The following RGS6 variants were observed in gnomAD, a reference collection of about 807,000 sequenced individuals.
RGS6 encodes regulator of G protein signaling 6, also known as regulator of G-protein signaling 6.
In RGS6, 30 loss-of-function variants were observed where a neutral mutation model predicts 78.5. The observed-to-expected ratio is 0.38, with a 90% CI of 0.29 to 0.52. The LOEUF is 0.52. Among genes scored for constraint, RGS6 ranks in the 20% least tolerant of loss-of-function variants. RGS6 has a pLI of 0.85. For synonymous variants in RGS6, 206 were observed against 206.0 expected, an observed-to-expected ratio of 1.00 and a Z score of 0.00; for missense variants, 495 against 609.7, an observed-to-expected ratio of 0.81 and a Z score of 1.98.
intron 2 of RGS6, among the ~76,000 whole-genome samples, chr14:72,227,700 C>A (rs77508221): frequency 3.9e-5 from 6 of 152,206 alleles, no homozygotes; most frequent in Non-Finnish European, 8.8e-5. Flanking sequence ...GTTTTAGAAT[C>A]TAGATGTCAT....
intron 2 of RGS6, among the ~76,000 whole-genome samples, chr14:72,155,801 G>A (rs2096762159): frequency 6.6e-6 from 1 of 152,196 alleles, no homozygotes; most frequent in Non-Finnish European, 1.5e-5. Flanking sequence ...GGTGGCTGGG[G>A]ACCACTTTAT....
At chr14:72,223,406 G>A (rs929260297) in intron 2 of RGS6, among the ~76,000 whole-genome samples, 2 of 152,216 alleles carry the variant, frequency 1.3e-5, no homozygotes, top group African/African-American at 4.8e-5. Flanking sequence ...ACCTCTAATA[G>A]GGCGTATTAA....
In RGS6 at chr14:72,043,902, C is replaced by T. The variant is rs139764846; in HGVS notation, c.84+79027C>T. 3.2e-4 allele frequency among the ~76,000 whole-genome samples: 48 copies of T among 152,324 alleles called. No individual in the cohort carries two copies. The East Asian group carries it at 8.9e-3, about 28-fold the overall frequency. ...TTCCACAGTTCTTGGAAGGTCGCTGCTGCTGTCACTGCTGCTGCTCCTTCC... is the reference window on the plus strand; with the variant it reads ...TTCCACAGTTCTTGGAAGGTCGCTGTTGCTGTCACTGCTGCTGCTCCTTCC... On this transcript the variant is annotated intron_variant, in intron 2 of 17. Coordinates refer to ENST00000553525, the MANE Select transcript of RGS6 (RefSeq NM_001204424.2).
chr14:72,440,276 T>A (rs1390085265), intron 3 of RGS6, among the ~76,000 whole-genome samples: 1 of 152,204 alleles, frequency 6.6e-6, no homozygotes, highest in African/African-American at 2.4e-5. Context: ...GGGGATTTAT[T>A]TCTCCCTCCC....
chr14:72,425,576 ATT>A (rs1266313025), intron 3 of RGS6, among the ~76,000 whole-genome samples: 1 of 152,234 alleles, frequency 6.6e-6, no homozygotes, highest in African/African-American at 2.4e-5. Flanking sequence ...TATTAGAAAC[ATT>A]TGAATCTCAC....
At chr14:72,004,356 C>T (rs2084103479) in intron 2 of RGS6, among the ~76,000 whole-genome samples, 2 of 152,084 alleles carry the variant, frequency 1.3e-5, no homozygotes. Flanking sequence ...GTGAACACCT[C>T]CAGAATTTGA....
chr14:71,942,412 A>G (rs2090752250), intron 1 of RGS6, among the ~76,000 whole-genome samples: 1 of 152,120 alleles, frequency 6.6e-6, no homozygotes, highest in Admixed American at 6.6e-5. Flanking sequence ...AGATAAAGCA[A>G]GCAATCTCCT....
chr14:72,121,422 T>C (rs895273077), intron 2 of RGS6, among the ~76,000 whole-genome samples: 60 of 152,176 alleles, frequency 3.9e-4, no homozygotes, highest in African/African-American at 1.4e-3. Context: ...TGTAGGCCTG[T>C]CTACACTGAA....
intron 2 of RGS6, among the ~76,000 whole-genome samples, chr14:72,053,974 T>C (rs1389323611): frequency 6.6e-6 from 1 of 152,198 alleles, no homozygotes; most frequent in African/African-American, 2.4e-5. Flanking sequence ...GAAATTGAGA[T>C]AAGACCGAAT....
At chr14:72,331,731 G>A (rs1015868396) in intron 2 of RGS6, among the ~76,000 whole-genome samples, 9 of 152,224 alleles carry the variant, frequency 5.9e-5, no homozygotes, top group African/African-American at 2.2e-4. Context: ...CACTGGCCTT[G>A]GGCACCCTTC....
At chr14:71,892,032 A>G in the RGS6 span, among the ~76,000 whole-genome samples, 1 of 152,182 alleles carries the variant, frequency 6.6e-6, no homozygotes, top group African/African-American at 2.4e-5. Context: ...TCATTCTCTG[A>G]AATAGCTTTC....
chr14:71,995,080 C>T (rs570981214), intron 2 of RGS6, among the ~76,000 whole-genome samples: 1 of 152,310 alleles, frequency 6.6e-6, no homozygotes, highest in East Asian at 1.9e-4. Flanking sequence ...TCACAGCCTT[C>T]TGGGCATCTT....
intron 2 of RGS6, among the ~76,000 whole-genome samples, chr14:72,111,420 G>A (rs965379006): frequency 6.6e-6 from 1 of 152,112 alleles, no homozygotes; most frequent in Non-Finnish European, 1.5e-5. Flanking sequence ...GATTAACCTA[G>A]TGCACTTCTC....
the RGS6 span, among the ~76,000 whole-genome samples, chr14:72,572,088 A>G: frequency 6.6e-6 from 1 of 152,240 alleles, no homozygotes; most frequent in African/African-American, 2.4e-5. Flanking sequence ...GGAAATGCAA[A>G]TAAATTCCAT....
At chr14:71,894,738 A>G in the RGS6 span, among the ~76,000 whole-genome samples, 1 of 152,244 alleles carries the variant, frequency 6.6e-6, no homozygotes, top group Non-Finnish European at 1.5e-5. Context: ...AGTTTACAGA[A>G]TAGAATATAT....
the RGS6 span, among the ~76,000 whole-genome samples, chr14:72,626,261 C>A: frequency 6.6e-6 from 1 of 152,038 alleles, no homozygotes; most frequent in African/African-American, 2.4e-5. Flanking sequence ...CTCCCTTATC[C>A]CTACTATCCC....
At chr14:71,982,116 AG>A (rs2094495012) in intron 2 of RGS6, among the ~76,000 whole-genome samples, 1 of 152,172 alleles carries the variant, frequency 6.6e-6, no homozygotes, top group Non-Finnish European at 1.5e-5. Flanking sequence ...GCGCTTCCCG[AG>A]TGAGGCAACG....
chr14:72,542,480 A>G (rs1017049623), intron 17 of RGS6, among the ~76,000 whole-genome samples: 3 of 152,246 alleles, frequency 2.0e-5, no homozygotes, highest in Admixed American at 6.5e-5. Flanking sequence ...TTTATCTGCT[A>G]TATACTGCAA....
rs2080678289 is a variant in RGS6, at chr14:72,357,925, A to G, written c.184+5731A>G. Among the ~76,000 whole-genome samples, 5 of 152,112 alleles carry G rather than the reference A, an allele frequency of 3.3e-5. No homozygotes were observed. The South Asian group carries it at 1.0e-3, about 32-fold the overall frequency. ...CACAGGCCCAGAGACCTAAGAGGAAAAAATGTTTATTTTTCCTCTTAGGTC... is the reference window on the plus strand; with the variant it reads ...CACAGGCCCAGAGACCTAAGAGGAAGAAATGTTTATTTTTCCTCTTAGGTC... On this transcript the variant is annotated intron_variant, in intron 3 of 17. Coordinates refer to ENST00000553525, the MANE Select transcript of RGS6 (RefSeq NM_001204424.2).
Sources: allele counts gnomAD v4.1 joint callset (sites outside exome capture counted in the v4.1 genomes callset), GRCh38; gene constraint gnomAD v4.1.1; transcripts MANE v1.5; gene names NCBI Gene and HGNC (gene_info 2026-07-23, HGNC 2026-07-21).